KCNU1: variants seen among roughly 807,000 people sequenced by gnomAD.
KCNU1 encodes potassium calcium-activated channel subfamily U member 1.
KCNU1 carries 93 observed loss-of-function variants against 126.8 expected under a neutral mutation model. That is an observed-to-expected ratio of 0.73 (90% CI 0.62 to 0.87). The LOEUF (loss-of-function observed/expected upper bound fraction) is 0.87. KCNU1 is among the 40% of genes least tolerant of loss of function. The pLI, the probability that KCNU1 is intolerant of heterozygous loss-of-function variation, is 0.00. For synonymous variants in KCNU1, 523 were observed against 494.2 expected (o/e 1.06, Z -0.77); for missense variants, 1,330 against 1,367.1 (o/e 0.97, Z 0.43).
intron 21 of KCNU1, among the ~76,000 whole-genome samples, chr8:36,909,736 A>T (rs1485973275): frequency 6.6e-6 from 1 of 152,188 alleles, no homozygotes; most frequent in East Asian, 1.9e-4. Flanking sequence ...TAAGCACCGG[A>T]AGAGTAAGTA....
rs1805117909 is a variant in KCNU1, at chr8:36,845,690, G to A, written c.1793+21G>A. The A allele has an allele frequency of 1.9e-6, 3 of 1,555,850 alleles. 1 individual carries two copies. In the South Asian group the frequency reaches 3.3e-5, roughly 17 times the overall value. On this transcript the variant is annotated intron_variant, in intron 17 of 26. Coordinates refer to ENST00000399881, the MANE Select transcript of KCNU1 (RefSeq NM_001031836.3). Reference sequence around the variant, plus strand: ...AGAAGGTAATTTTATTATTTTATGGGGGAAAAGCACTAAAGCAACTACAGC... The same window carrying A: ...AGAAGGTAATTTTATTATTTTATGGAGGAAAAGCACTAAAGCAACTACAGC...
chr8:36,840,970 T>C lies in KCNU1; in HGVS notation c.1670T>C (p.Ile557Thr), dbSNP rs773016257. Reference protein sequence around the residue: ...FLKMHLLLIAIEYKSLFTDGF... With the variant: ...FLKMHLLLIATEYKSLFTDGF... The stretch of plus-strand genomic sequence containing the variant: ...AAGATGCACCTCCTGTTGATAGCCA[T>C]CGAATACAAGTCCCTCTTTACGGAT... The change falls in exon 16 of 27, where the codon ATC becomes ACC. Residue 557 changes from isoleucine (I) to threonine (T), a missense_variant. Transcript: ENST00000399881. 1.2e-6 allele frequency: 2 copies of C among 1,612,540 alleles called. No individual in the cohort carries two copies. The highest frequency in any genetic ancestry group is 2.2e-5 in the South Asian group (2 of 91,028).
At chr8:36,822,091 C>A (rs983829015) in intron 10 of KCNU1, among the ~76,000 whole-genome samples, 3 of 152,042 alleles carry the variant, frequency 2.0e-5, no homozygotes, top group Non-Finnish European at 4.4e-5. Flanking sequence ...TCTGGGCTAG[C>A]CTTTTGACTC....
At chr8:36,801,289 G>A (rs1030414448) in intron 2 of KCNU1, among the ~76,000 whole-genome samples, 1 of 152,148 alleles carries the variant, frequency 6.6e-6, no homozygotes, top group African/African-American at 2.4e-5. Flanking sequence ...TGGGCACCAG[G>A]TGATCTTTCC....
intron 7 of KCNU1, among the ~76,000 whole-genome samples, chr8:36,813,102 G>T (rs1188427651): frequency 2.0e-5 from 3 of 152,132 alleles, no homozygotes; most frequent in Non-Finnish European, 4.4e-5. Flanking sequence ...GACTCCAGAA[G>T]TCAGTGACTT....
At chr8:36,884,966 C>T (rs1253496718) in intron 19 of KCNU1, among the ~76,000 whole-genome samples, 1 of 152,142 alleles carries the variant, frequency 6.6e-6, no homozygotes, top group Non-Finnish European at 1.5e-5. Context: ...TTTCTTGGCC[C>T]ATCAGTGAAA....
chr8:36,803,153 G>A (rs893943607), intron 2 of KCNU1, among the ~76,000 whole-genome samples: 2 of 152,044 alleles, frequency 1.3e-5, no homozygotes, highest in Non-Finnish European at 2.9e-5. Context: ...CAGAATCTAG[G>A]AATAAAAACC....
chr8:36,799,216 A>G (rs928727776), intron 2 of KCNU1, among the ~76,000 whole-genome samples: 4 of 152,162 alleles, frequency 2.6e-5, no homozygotes, highest in Admixed American at 6.5e-5. Context: ...AGAAAGGAGA[A>G]TTACAAAGTC....
At chr8:36,797,545 T>C (rs1803145533) in intron 2 of KCNU1, among the ~76,000 whole-genome samples, 1 of 152,168 alleles carries the variant, frequency 6.6e-6, no homozygotes, top group Admixed American at 6.5e-5. Context: ...CGCTTTAAAG[T>C]TTAAAATTAC....
At chr8:36,871,633 G>A (rs1332347848) in intron 19 of KCNU1, among the ~76,000 whole-genome samples, 4 of 152,080 alleles carry the variant, frequency 2.6e-5, no homozygotes, top group African/African-American at 9.7e-5. Flanking sequence ...ATAAAGGAGA[G>A]ACAAGGCATT....
At chr8:36,868,981 T>C (rs1806006227) in intron 19 of KCNU1, among the ~76,000 whole-genome samples, 1 of 152,084 alleles carries the variant, frequency 6.6e-6, no homozygotes, top group Non-Finnish European at 1.5e-5. Context: ...TTTGGGTGAG[T>C]TACGACAGTT....
chr8:36,927,126 T>C (rs1808560071), intron 24 of KCNU1, among the ~76,000 whole-genome samples: 1 of 152,214 alleles, frequency 6.6e-6, no homozygotes, highest in Non-Finnish European at 1.5e-5. Context: ...CACAGTCATG[T>C]GCTGTGAACT....
chr8:36,819,123 T>C (rs2130483071), intron 10 of KCNU1, among the ~76,000 whole-genome samples: 1 of 152,250 alleles, frequency 6.6e-6, no homozygotes, highest in Non-Finnish European at 1.5e-5. Flanking sequence ...ATGTGGAAAG[T>C]ATCTATCTAA....
chr8:36,906,955 G>A lies in KCNU1; in HGVS notation c.2106+1151G>A, dbSNP rs1020708125. Among the ~76,000 whole-genome samples, 3 of 152,158 alleles carry A rather than the reference G, an allele frequency of 2.0e-5. No individual in the cohort carries two copies. In the East Asian group the frequency reaches 5.8e-4, roughly 29 times the overall value. On this transcript the variant is annotated intron_variant, in intron 20 of 26. Transcript: ENST00000399881. ...TAGAAAGGTCAGGAAGTTGGTTGCA[G>A]ATTGAGACATTTGAGACCAAACGAT...
chr8:36,852,506 AT>A (rs1254359147), intron 18 of KCNU1, among the ~76,000 whole-genome samples: 1 of 152,108 alleles, frequency 6.6e-6, no homozygotes, highest in Admixed American at 6.6e-5. Context: ...CTAACTTAAC[AT>A]TTTTTATTAT....
chr8:36,904,219 T>C (rs1807533657), intron 19 of KCNU1, among the ~76,000 whole-genome samples: 1 of 152,046 alleles, frequency 6.6e-6, no homozygotes, highest in Non-Finnish European at 1.5e-5. Context: ...CAAGAAAGGT[T>C]TATTTGTTGT....
chr8:36,922,835 A>G (rs1376255172), intron 24 of KCNU1: 1 of 624,036 alleles, frequency 1.6e-6, no homozygotes. Context: ...CAAGATTAAA[A>G]ACTTGAGGCC....
intron 19 of KCNU1, among the ~76,000 whole-genome samples, chr8:36,903,135 C>T (rs185949113): frequency 2.6e-5 from 4 of 152,144 alleles, no homozygotes; most frequent in East Asian, 3.9e-4. Context: ...CTGGCTTCTC[C>T]TTCTAGGTCT....
intron 2 of KCNU1, among the ~76,000 whole-genome samples, chr8:36,790,733 T>C (rs1430835110): frequency 6.6e-6 from 1 of 152,072 alleles, no homozygotes; most frequent in East Asian, 1.9e-4. Context: ...ATGAGAGACT[T>C]GGATGATTTC....
Sources: gnomAD v4.1 joint callset for allele counts (sites outside exome capture counted in the v4.1 genomes callset) on GRCh38, gnomAD v4.1.1 for gene constraint, MANE v1.5 for transcripts, NCBI Gene and HGNC (gene_info 2026-07-23, HGNC 2026-07-21) for gene names.